Variants in ALCAM observed in about 807,000 individuals in gnomAD.
The protein encoded by ALCAM is activated leukocyte cell adhesion molecule.
A neutral mutation model predicts 70.9 loss-of-function variants in ALCAM; 30 were observed. That is an observed-to-expected ratio of 0.42 (90% CI 0.32 to 0.57). The LOEUF is 0.57. Among genes scored for constraint, ALCAM ranks in the 20% least tolerant of loss-of-function variants. ALCAM has a pLI of 0.11. For missense variants in ALCAM, 591 were observed against 695.1 expected, an observed-to-expected ratio of 0.85 and a Z score of 1.68; for synonymous variants, 249 against 242.5, an observed-to-expected ratio of 1.03 and a Z score of -0.25.
Position 105,442,578 on chromosome 3 carries a change from G to A in ALCAM, c.73+75097G>A, listed in dbSNP as rs535629515. ...GGGTGGATCACGAGGTCAGGAGATC[G>A]ATACCATCCTGGCTAACATGGTGAA... On this transcript the variant is annotated intron_variant, in intron 1 of 15. Transcript: ENST00000306107. Among the ~76,000 whole-genome samples the A allele has an allele frequency of 3.1e-4, 47 of 151,944 alleles. 1 individual carries two copies. Among genetic ancestry groups the A allele is most frequent in the East Asian group, 9.7e-4 (5 of 5,156 alleles).
At position 105,570,635 on chromosome 3, in the gene ALCAM, T is replaced by A. The variant is rs140372374; in HGVS notation, c.1665-1217T>A. 2.0e-3 allele frequency among the ~76,000 whole-genome samples: 305 copies of A among 152,300 alleles called. 1 individual carries two copies. Among genetic ancestry groups the A allele is most frequent in the African/African-American group, 7.1e-3 (295 of 41,548 alleles). ...AAGAATGAAAGAGCAAGAATAGCAA[T>A]CACCGGTAAAATAAATAAATACATT... is the stretch of plus-strand genomic sequence containing the variant. On this transcript the variant is annotated intron_variant, in intron 14 of 15. Coordinates refer to ENST00000306107, the MANE Select transcript of ALCAM (RefSeq NM_001627.4).
intron 1 of ALCAM, among the ~76,000 whole-genome samples, chr3:105,382,760 A>G (rs966807488): frequency 9.9e-5 from 15 of 151,946 alleles, no homozygotes; most frequent in African/African-American, 2.9e-4. Context: ...GTCTGTTCAT[A>G]TCCTTTGCCC....
intron 1 of ALCAM, among the ~76,000 whole-genome samples, chr3:105,447,634 G>A (rs1198547454): frequency 6.6e-6 from 1 of 152,172 alleles, no homozygotes; most frequent in African/African-American, 2.4e-5. Context: ...GATTGCTTAA[G>A]CCAGGGAGAT....
chr3:105,557,124 G>A (rs1940536793), intron 14 of ALCAM, among the ~76,000 whole-genome samples: 1 of 151,960 alleles, frequency 6.6e-6, no homozygotes, highest in South Asian at 2.1e-4. Flanking sequence ...TTGGCTACTG[G>A]CATTTAATTG....
intron 1 of ALCAM, among the ~76,000 whole-genome samples, chr3:105,475,966 C>T (rs1310352510): frequency 6.6e-6 from 1 of 151,896 alleles, no homozygotes; most frequent in Admixed American, 6.6e-5. Flanking sequence ...CTGTTATGTC[C>T]CCACATCCTC....
In ALCAM at chr3:105,532,201, T is replaced by C. The variant is rs1939857099; in HGVS notation, c.459+135T>C. 1.3e-4 allele frequency: 95 copies of C among 739,280 alleles called. No individual in the cohort carries two copies. In the South Asian group the frequency reaches 1.6e-3, roughly 13 times the overall value. 45.8% of individuals were successfully genotyped at this position (739,280 alleles called of 1,614,324 possible). A position where few individuals can be genotyped will look rare whatever the true frequency, so the allele number is the denominator to read the frequency against. On this transcript the variant is annotated intron_variant, in intron 4 of 15. Transcript: ENST00000306107. ...AGTGTTGCAGCTACCAATCAGAAAT[T>C]ATCTACAAGGCACAGAGGGTACAAC...
At chr3:105,386,019 A>G (rs1019000879) in intron 1 of ALCAM, among the ~76,000 whole-genome samples, 1 of 151,572 alleles carries the variant, frequency 6.6e-6, no homozygotes, top group Admixed American at 6.6e-5. Flanking sequence ...GGGTGAATGG[A>G]GCACATACTA....
At chr3:105,514,276 T>A (rs925778939) in intron 1 of ALCAM, among the ~76,000 whole-genome samples, 4 of 151,922 alleles carry the variant, frequency 2.6e-5, no homozygotes, top group African/African-American at 4.8e-5. Flanking sequence ...GATTGAATGA[T>A]TCGATGATTT....
At chr3:105,541,574 C>T (rs1940116049) in intron 7 of ALCAM, 59 bp from the exon 8 acceptor site, 1 of 1,564,560 alleles carries the variant, frequency 6.4e-7, no homozygotes, top group South Asian at 1.2e-5. Flanking sequence ...TCAAGAAATA[C>T]AACTGTTCTC....
chr3:105,397,304 A>C (rs897863389), intron 1 of ALCAM, among the ~76,000 whole-genome samples: 1 of 152,038 alleles, frequency 6.6e-6, no homozygotes, highest in Non-Finnish European at 1.5e-5. Context: ...TGAAAAATAA[A>C]GTGTATCTTC....
At chr3:105,386,945 A>G (rs142297401) in intron 1 of ALCAM, among the ~76,000 whole-genome samples, 4 of 151,464 alleles carry the variant, frequency 2.6e-5, no homozygotes, top group African/African-American at 7.3e-5. Flanking sequence ...TACCCAATAA[A>G]TGTTATTTTT....
chr3:105,540,615 T>A (rs913903339), intron 7 of ALCAM, among the ~76,000 whole-genome samples: 4 of 152,032 alleles, frequency 2.6e-5, no homozygotes, highest in Non-Finnish European at 5.9e-5. Context: ...GGAAATGATA[T>A]GCATAGAGGA....
intron 1 of ALCAM, among the ~76,000 whole-genome samples, chr3:105,505,422 G>A (rs770885023): frequency 7.2e-5 from 11 of 152,078 alleles, no homozygotes; most frequent in Admixed American, 4.6e-4. Flanking sequence ...GCACTATCTT[G>A]AGAACAACAA....
chr3:105,540,246 G>T, intron 7 of ALCAM, 144 bp downstream of exon 7: 1 of 775,146 alleles, frequency 1.3e-6, no homozygotes. Flanking sequence ...AGCTTTTTCT[G>T]CACCTGCCAC....
intron 1 of ALCAM, among the ~76,000 whole-genome samples, chr3:105,506,229 A>C (rs914450276): frequency 1.3e-5 from 2 of 152,222 alleles, no homozygotes; most frequent in African/African-American, 4.8e-5. Context: ...CACAAAACAT[A>C]AAGAAAATGT....
At chr3:105,463,421 G>T (rs1156605892) in intron 1 of ALCAM, among the ~76,000 whole-genome samples, 3 of 151,480 alleles carry the variant, frequency 2.0e-5, no homozygotes, top group Non-Finnish European at 3.0e-5. Flanking sequence ...AGACTAAGAA[G>T]TCAAAAGTTA....
chr3:105,554,940 GAAA>G (rs11438154), intron 14 of ALCAM, among the ~76,000 whole-genome samples: 1 of 150,298 alleles, frequency 6.7e-6, no homozygotes, highest in Non-Finnish European at 1.5e-5. Flanking sequence ...AAATTAGCTG[GAAA>G]AAAAAACTAT....
chr3:105,405,075 C>T (rs1171652189), intron 1 of ALCAM, among the ~76,000 whole-genome samples: 3 of 151,836 alleles, frequency 2.0e-5, no homozygotes, highest in African/African-American at 2.4e-5. Flanking sequence ...GTCGGGAATT[C>T]GAGACCAGCC....
At chr3:105,368,285 C>T (rs971730133) in intron 1 of ALCAM, among the ~76,000 whole-genome samples, 3 of 84,088 alleles carry the variant, frequency 3.6e-5, no homozygotes, top group Non-Finnish European at 7.4e-5. Flanking sequence ...TTCCCAACAA[C>T]TAAAATATCT....
Sources: allele counts gnomAD v4.1 joint callset (sites outside exome capture counted in the v4.1 genomes callset), GRCh38; gene constraint gnomAD v4.1.1; transcripts MANE v1.5; gene names NCBI Gene and HGNC (gene_info 2026-07-23, HGNC 2026-07-21).